Variants in ERBB4 observed in about 807,000 individuals in gnomAD.
The protein encoded by ERBB4 is erb-b2 receptor tyrosine kinase 4.
In ERBB4, 42 loss-of-function variants were observed where a neutral mutation model predicts 158.0. The ratio of observed to expected loss-of-function variants is 0.27; its 90% CI spans 0.21 to 0.34. ERBB4 has a LOEUF of 0.34. ERBB4 is among the 10% of genes least tolerant of loss of function. The pLI is 1.00. For synonymous variants in ERBB4, 583 were observed against 558.7 expected, an observed-to-expected ratio of 1.04 and a Z score of -0.61; for missense variants, 1,333 against 1,624.1, an observed-to-expected ratio of 0.82 and a Z score of 3.08.
chr2:212,423,519 G>A (rs542739135), intron 1 of ERBB4, among the ~76,000 whole-genome samples: 98 of 152,272 alleles, frequency 6.4e-4, no homozygotes, highest in Non-Finnish European at 1.2e-3. Flanking sequence ...TAGAAAAGCA[G>A]CAACTAAGTA....
intron 1 of ERBB4, among the ~76,000 whole-genome samples, chr2:212,281,959 G>A (rs1574590811): frequency 6.6e-6 from 1 of 151,612 alleles, no homozygotes; most frequent in East Asian, 1.9e-4. Flanking sequence ...AAAACTAAAA[G>A]TCAAAAAAAG....
At chr2:211,600,787 T>G (rs902156072) in intron 19 of ERBB4, among the ~76,000 whole-genome samples, 30 of 152,110 alleles carry the variant, frequency 2.0e-4, no homozygotes, top group Admixed American at 6.5e-5. Context: ...TTTTTGAATG[T>G]CCACATGGTG....
chr2:211,504,385 A>C (rs1303706915), intron 20 of ERBB4, among the ~76,000 whole-genome samples: 2 of 152,024 alleles, frequency 1.3e-5, no homozygotes, highest in East Asian at 1.9e-4. Context: ...CTAATAGTAC[A>C]TAGAAGCAAA....
intron 18 of ERBB4, among the ~76,000 whole-genome samples, chr2:211,620,098 T>A (rs571355067): frequency 6.6e-6 from 1 of 152,216 alleles, no homozygotes; most frequent in African/African-American, 2.4e-5. Context: ...ATTATAGCAT[T>A]TGAATGAGGA....
chr2:212,362,478 C>G (rs10211056), intron 1 of ERBB4, among the ~76,000 whole-genome samples: 25,581 of 150,362 alleles, frequency 0.17, 2,484 homozygotes, highest in South Asian at 0.25. Context: ...AATTAACGTA[C>G]TCTCTAATTG....
At position 211,428,502 on chromosome 2, in the gene ERBB4, TAA is replaced by T. The variant is rs746203176; in HGVS notation, c.2644-21_2644-20del. The T allele has an allele frequency of 2.3e-6, 3 of 1,300,862 alleles. No individual in the cohort carries two copies. The highest frequency in any genetic ancestry group is 2.9e-5 in the African/African-American group (2 of 68,888). 80.6% of individuals were successfully genotyped at this position (1,300,862 alleles called of 1,614,324 possible). A position where few individuals can be genotyped will look rare whatever the true frequency, so the allele number is the denominator to read the frequency against. On this transcript the variant is annotated intron_variant, in intron 21 of 27. Coordinates refer to ENST00000342788, the MANE Select transcript of ERBB4 (RefSeq NM_005235.3). ...TTGGCATCTATAGAGAAGTAAGAAGTAAAAGTTTTAAAATTACATTAAAAATT... is the reference window on the plus strand; with the variant it reads ...TTGGCATCTATAGAGAAGTAAGAAGTAAGTTTTAAAATTACATTAAAAATT...
At chr2:211,454,547 C>T (rs1363484518) in intron 20 of ERBB4, among the ~76,000 whole-genome samples, 1 of 152,140 alleles carries the variant, frequency 6.6e-6, no homozygotes, top group Non-Finnish European at 1.5e-5. Context: ...ATGCATTTCT[C>T]TCTCTCTCTC....
intron 17 of ERBB4, among the ~76,000 whole-genome samples, chr2:211,629,692 A>C (rs2070024608): frequency 1.3e-5 from 2 of 152,188 alleles, no homozygotes; most frequent in Non-Finnish European, 2.9e-5. Flanking sequence ...CTGGTACCAA[A>C]ACAGAGATAT....
rs576550035 is a variant in ERBB4 at position 211,549,566 on chromosome 2, T to C, written c.2487+12337A>G. ...CCACGTTGATCGGGTACAAGAGTTA[T>C]GTGGCAAAGAGCCTCATCACCCTAG... On this transcript the variant is annotated intron_variant, in intron 20 of 27. Coordinates refer to ENST00000342788, the MANE Select transcript of ERBB4 (RefSeq NM_005235.3). Among the ~76,000 whole-genome samples, 17 of 152,182 alleles carry C rather than the reference T, an allele frequency of 1.1e-4. No individual in the cohort carries two copies. The South Asian group carries it at 3.5e-3, about 32-fold the overall frequency.
intron 1 of ERBB4, among the ~76,000 whole-genome samples, chr2:212,313,196 T>C (rs776220721): frequency 2.0e-5 from 3 of 150,862 alleles, no homozygotes; most frequent in Non-Finnish European, 4.5e-5. Context: ...ATTTTTGTTA[T>C]GCATAAATGT....
At chr2:211,504,379 T>C (rs760359637) in intron 20 of ERBB4, among the ~76,000 whole-genome samples, 3 of 151,132 alleles carry the variant, frequency 2.0e-5, no homozygotes, top group Non-Finnish European at 4.4e-5. Context: ...GGCCCTCTAA[T>C]AGTACATAGA....
intron 1 of ERBB4, among the ~76,000 whole-genome samples, chr2:212,403,502 C>A (rs988641455): frequency 6.6e-6 from 1 of 151,936 alleles, no homozygotes; most frequent in Non-Finnish European, 1.5e-5. Context: ...CCTAAATATA[C>A]GTTGCCAAGT....
At chr2:211,389,137 G>A (rs1354615511) in intron 25 of ERBB4, among the ~76,000 whole-genome samples, 3 of 152,254 alleles carry the variant, frequency 2.0e-5, no homozygotes, top group Non-Finnish European at 4.4e-5. Context: ...CCGGGTTCAC[G>A]CCATTCCCTT....
intron 1 of ERBB4, among the ~76,000 whole-genome samples, chr2:212,194,327 CCTTTCTAACATAATCATTTTTATT>C (rs1312789489): frequency 6.7e-6 from 1 of 148,296 alleles, no homozygotes; most frequent in African/African-American, 2.5e-5. Flanking sequence ...CACTTTGTTT[CCTTTCTAACATAATCATTTTTATT>C]TTGATCCTCA....
At chr2:212,446,591 G>GTATATATATATATATATATATATATA (rs71057412) in intron 1 of ERBB4, among the ~76,000 whole-genome samples, 1 of 27,518 alleles carries the variant, frequency 3.6e-5, no homozygotes, top group Non-Finnish European at 5.9e-5. Flanking sequence ...ATATATATAT[G>GTATATATATATATATATATATATATA]TATATATATA....
intron 3 of ERBB4, among the ~76,000 whole-genome samples, chr2:211,946,329 A>G (rs2080689628): frequency 2.0e-5 from 3 of 152,066 alleles, no homozygotes; most frequent in African/African-American, 7.2e-5. Flanking sequence ...CACTTCAAAT[A>G]TAAGAAACAA....
intron 2 of ERBB4, among the ~76,000 whole-genome samples, chr2:212,012,100 T>C (rs994857501): frequency 6.6e-6 from 1 of 152,204 alleles, no homozygotes; most frequent in Non-Finnish European, 1.5e-5. Context: ...AAATATTTGA[T>C]ATGTTTTAAT....
At chr2:211,975,715 C>T (rs532795015) in intron 2 of ERBB4, among the ~76,000 whole-genome samples, 6 of 152,058 alleles carry the variant, frequency 3.9e-5, no homozygotes, top group South Asian at 2.1e-4. Flanking sequence ...CATTCATTTA[C>T]GTCTTGTATA....
intron 20 of ERBB4, among the ~76,000 whole-genome samples, chr2:211,500,328 C>T (rs2065585912): frequency 6.6e-6 from 1 of 151,984 alleles, no homozygotes; most frequent in Admixed American, 6.5e-5. Context: ...TGCTTTATAG[C>T]TAGAATAGCA....
Sources: gnomAD v4.1 joint callset for allele counts (sites outside exome capture counted in the v4.1 genomes callset) on GRCh38, gnomAD v4.1.1 for gene constraint, MANE v1.5 for transcripts, NCBI Gene and HGNC (gene_info 2026-07-23, HGNC 2026-07-21) for gene names.